OLFM2: variants seen among roughly 807,000 people sequenced by gnomAD.
The protein encoded by OLFM2 is noelin-2.
OLFM2 carries 20 observed loss-of-function variants against 43.9 expected under a neutral mutation model. The observed-to-expected ratio is 0.46, with a 90% CI of 0.32 to 0.66. The LOEUF (loss-of-function observed/expected upper bound fraction) is 0.66, where lower values mean the gene tolerates loss of function less well. Ranked by LOEUF, OLFM2 falls within the 30% of genes least tolerant of loss-of-function variation. The probability of loss-of-function intolerance (pLI) is 0.04; values close to 1 mark genes in which losing one functional copy is unlikely to be tolerated. For synonymous variants in OLFM2, 268 were observed against 278.6 expected (o/e 0.96, Z 0.38); for missense variants, 416 against 643.6 (o/e 0.65, Z 3.83).
intron 1 of OLFM2, chr19:9,913,730 G>A (rs2046849592): frequency 6.9e-6 from 7 of 1,020,518 alleles, no homozygotes; most frequent in Non-Finnish European, 8.3e-6. Context: ...GGGGGAGGGG[G>A]CACGAGCGCG....
intron 1 of OLFM2, among the ~76,000 whole-genome samples, chr19:9,904,348 G>A (rs997778466): frequency 2.6e-5 from 4 of 151,772 alleles, no homozygotes; most frequent in African/African-American, 7.3e-5. Flanking sequence ...GTACCACCAC[G>A]CCCAGCTAAT....
intron 1 of OLFM2, among the ~76,000 whole-genome samples, chr19:9,899,268 TAA>T (rs113154580): frequency 7.7e-5 from 11 of 143,438 alleles, no homozygotes; most frequent in African/African-American, 1.0e-4. Context: ...CCATCTCAAT[TAA>T]AAAAAAAAAA....
At chr19:9,877,746 T>C (rs765203672) in intron 1 of OLFM2, among the ~76,000 whole-genome samples, 62 of 152,130 alleles carry the variant, frequency 4.1e-4, no homozygotes, top group Non-Finnish European at 4.1e-4. Flanking sequence ...CACTTTTGCC[T>C]TCAGCCCTTT....
At chr19:9,926,078 A>G (rs2086450866) in intron 1 of OLFM2, among the ~76,000 whole-genome samples, 1 of 152,004 alleles carries the variant, frequency 6.6e-6, no homozygotes, top group African/African-American at 2.4e-5. Flanking sequence ...TAGAGGTTGC[A>G]GCGAGCTGTG....
chr19:9,926,222 A>C (rs1036927207), intron 1 of OLFM2, among the ~76,000 whole-genome samples: 2 of 152,144 alleles, frequency 1.3e-5, no homozygotes, highest in African/African-American at 4.8e-5. Context: ...AAAATGTGGT[A>C]TATCCATACA....
chr19:9,924,669 T>C (rs1160594150), intron 1 of OLFM2, among the ~76,000 whole-genome samples: 1 of 151,960 alleles, frequency 6.6e-6, no homozygotes, highest in Non-Finnish European at 1.5e-5. Flanking sequence ...GTCCATTTAG[T>C]GCCAAGCTTT....
At chr19:9,861,870 A>C (rs562235736) in intron 1 of OLFM2, among the ~76,000 whole-genome samples, 71 of 152,244 alleles carry the variant, frequency 4.7e-4, no homozygotes, top group African/African-American at 1.4e-3. Context: ...AAATACAAAA[A>C]TTAGCCAAGT....
At chr19:9,922,396 AT>A (rs2086427050) in intron 1 of OLFM2, among the ~76,000 whole-genome samples, 1 of 152,158 alleles carries the variant, frequency 6.6e-6, no homozygotes, top group African/African-American at 2.4e-5. Flanking sequence ...CAATAAACAT[AT>A]GCAAAGGCAC....
At chr19:9,879,481 G>T (rs1334392238) in intron 1 of OLFM2, among the ~76,000 whole-genome samples, 1 of 152,030 alleles carries the variant, frequency 6.6e-6, no homozygotes, top group Non-Finnish European at 1.5e-5. Flanking sequence ...TCTCTCTCTT[G>T]CTCCTGCTCT....
At chr19:9,913,589 G>A (rs779266476) in intron 1 of OLFM2, 15 of 1,304,782 alleles carry the variant, frequency 1.1e-5, no homozygotes, top group Non-Finnish European at 1.2e-5. Flanking sequence ...GCTCAGCACG[G>A]CCCCGATCTT....
intron 1 of OLFM2, among the ~76,000 whole-genome samples, chr19:9,928,715 G>A (rs187812012): frequency 6.6e-6 from 1 of 151,784 alleles, no homozygotes; most frequent in Admixed American, 6.6e-5. Flanking sequence ...TGAGGCATGA[G>A]AATTGCTTGA....
intron 1 of OLFM2, among the ~76,000 whole-genome samples, chr19:9,873,560 T>C (rs1027304957): frequency 1.3e-5 from 2 of 152,170 alleles, no homozygotes; most frequent in Non-Finnish European, 2.9e-5. Flanking sequence ...GCTCAAGCAG[T>C]TCTCTTGCTT....
In OLFM2 at chr19:9,870,636, G is replaced by A. The variant is rs1450888427; in HGVS notation, c.64-9842C>T. Among the ~76,000 whole-genome samples, 4 of 152,140 alleles carry A rather than the reference G, an allele frequency of 2.6e-5. No homozygotes were observed. The South Asian group carries it at 6.2e-4, about 24-fold the overall frequency. The stretch of plus-strand genomic sequence containing the variant: ...TATTCTCATCTCCAGGCCTTTGCAC[G>A]GGCCGGGCCTGCTGCCAATCCCCGC... On this transcript the variant is annotated intron_variant, in intron 1 of 5. Coordinates refer to ENST00000264833, the MANE Select transcript of OLFM2 (RefSeq NM_058164.4).
intron 1 of OLFM2, among the ~76,000 whole-genome samples, chr19:9,901,640 C>T (rs556383055): frequency 6.6e-6 from 1 of 152,226 alleles, no homozygotes; most frequent in East Asian, 1.9e-4. Context: ...TTTGAGATCT[C>T]GCTTTGCCAG....
chr19:9,853,918 A>T lies in OLFM2; in HGVS notation c.*268T>A. On this transcript the variant is annotated 3_prime_UTR_variant, in exon 6 of 6. Coordinates refer to ENST00000264833, the MANE Select transcript of OLFM2 (RefSeq NM_058164.4). ...GAGAGGCAGAGACGGAAAGAACTGGAGAACCAGAGCCATAAAAAGAAAAAG... is the reference window on the plus strand; with the variant it reads ...GAGAGGCAGAGACGGAAAGAACTGGTGAACCAGAGCCATAAAAAGAAAAAG... The T allele has an allele frequency of 1.7e-6, 1 of 577,376 alleles. No homozygotes were observed. The highest frequency in any genetic ancestry group is 3.0e-6 in the Non-Finnish European group (1 of 328,060). 35.8% of individuals were successfully genotyped at this position (577,376 alleles called of 1,614,324 possible).
chr19:9,878,794 C>G (rs12610468), intron 1 of OLFM2, among the ~76,000 whole-genome samples: 14 of 151,924 alleles, frequency 9.2e-5, no homozygotes, highest in African/African-American at 3.4e-4. Flanking sequence ...ATAAGTGCCA[C>G]GATGCAGGGA....
At chr19:9,906,899 C>G (rs1466052243) in intron 1 of OLFM2, among the ~76,000 whole-genome samples, 1 of 152,304 alleles carries the variant, frequency 6.6e-6, no homozygotes, top group Non-Finnish European at 1.5e-5. Context: ...GCAATCATCT[C>G]CCTTGTTCAA....
chr19:9,871,368 C>A (rs940800868), intron 1 of OLFM2, among the ~76,000 whole-genome samples: 1 of 151,698 alleles, frequency 6.6e-6, no homozygotes, highest in African/African-American at 2.4e-5. Context: ...GTCAGGAGTT[C>A]GAATCCAGCC....
intron 2 of OLFM2, chr19:9,858,145 C>T (rs2046337753): frequency 3.9e-6 from 2 of 519,440 alleles, no homozygotes; most frequent in East Asian, 3.5e-5. Context: ...AGTCAATTCT[C>T]TACACAGCAG....
Sources: allele counts gnomAD v4.1 joint callset (sites outside exome capture counted in the v4.1 genomes callset), GRCh38; gene constraint gnomAD v4.1.1; transcripts MANE v1.5; gene names NCBI Gene and HGNC (gene_info 2026-07-23, HGNC 2026-07-21).